The following PDZRN3 variants were observed in gnomAD, a reference collection of about 807,000 sequenced individuals.
PDZRN3 encodes PDZ domain containing ring finger 3.
In PDZRN3, 38 loss-of-function variants were observed where a neutral mutation model predicts 85.7. That is an observed-to-expected ratio of 0.44 (90% CI 0.34 to 0.58). The LOEUF is 0.58. Ranked by LOEUF, PDZRN3 falls within the 20% of genes least tolerant of loss-of-function variation. The probability of loss-of-function intolerance (pLI) is 0.01; values close to 1 mark genes in which losing one functional copy is unlikely to be tolerated. For missense variants in PDZRN3, 1,629 were observed against 1,506.4 expected (o/e 1.08, Z -1.35); for synonymous variants, 759 against 638.0 (o/e 1.19, Z -2.86).
At chr3:73,623,444 T>G (rs1325102456) in intron 1 of PDZRN3, 1 of 152,278 alleles carries the variant, frequency 6.6e-6, no homozygotes, top group Admixed American at 6.5e-5. Flanking sequence ...CCTGGCTGTG[T>G]TTTTACTCTG....
intron 3 of PDZRN3, among the ~76,000 whole-genome samples, chr3:73,485,041 C>A (rs187172963): frequency 2.6e-5 from 4 of 152,030 alleles, no homozygotes; most frequent in Non-Finnish European, 5.9e-5. Context: ...CCCAAGTAAG[C>A]GACAAAAACA....
chr3:73,430,813 C>T (rs1240503591), intron 3 of PDZRN3, among the ~76,000 whole-genome samples: 1 of 152,178 alleles, frequency 6.6e-6, no homozygotes, highest in Non-Finnish European at 1.5e-5. Flanking sequence ...ATTAATTTAT[C>T]CAAGTAGGAG....
At chr3:73,543,449 G>T (rs1319694760) in intron 3 of PDZRN3, among the ~76,000 whole-genome samples, 1 of 152,212 alleles carries the variant, frequency 6.6e-6, no homozygotes, top group Non-Finnish European at 1.5e-5. Flanking sequence ...AAGAAAAAAG[G>T]TATCTCATCC....
In PDZRN3 at chr3:73,509,345, C is replaced by T. The variant is rs183662158; in HGVS notation, c.918+93009G>A. 5.4e-4 allele frequency among the ~76,000 whole-genome samples: 82 copies of T among 152,322 alleles called. 2 individuals carry two copies. Among genetic ancestry groups the T allele is most frequent in the Non-Finnish European group, 2.4e-4 (16 of 68,022 alleles). On this transcript the variant is annotated intron_variant, in intron 3 of 9. Coordinates refer to ENST00000263666, the MANE Select transcript of PDZRN3 (RefSeq NM_015009.3). Reference sequence around the variant, plus strand: ...ACAGGAAAGGGCGGACCCAGGAGGACGCAGACCCATGCGGTCTCAGCCCTT... The same window carrying T: ...ACAGGAAAGGGCGGACCCAGGAGGATGCAGACCCATGCGGTCTCAGCCCTT...
intron 3 of PDZRN3, among the ~76,000 whole-genome samples, chr3:73,443,217 A>C (rs867032477): frequency 2.6e-5 from 4 of 151,706 alleles, no homozygotes; most frequent in East Asian, 3.9e-4. Flanking sequence ...AACACACAAA[A>C]CCCCCCCTAC....
intron 3 of PDZRN3, among the ~76,000 whole-genome samples, chr3:73,574,463 G>GTGGGGGGT (rs1553704249): frequency 1.4e-5 from 2 of 141,536 alleles, no homozygotes; most frequent in Non-Finnish European, 3.1e-5. Flanking sequence ...GGGGTGGGGG[G>GTGGGGGGT]GGTGGGGAGG....
At chr3:73,441,103 A>T (rs1360496242) in intron 3 of PDZRN3, among the ~76,000 whole-genome samples, 2 of 152,220 alleles carry the variant, frequency 1.3e-5, no homozygotes, top group Non-Finnish European at 2.9e-5. Context: ...ATAGATACTT[A>T]TATAACAACC....
chr3:73,488,717 T>A (rs768027578), intron 3 of PDZRN3, among the ~76,000 whole-genome samples: 1 of 152,242 alleles, frequency 6.6e-6, no homozygotes, highest in Non-Finnish European at 1.5e-5. Flanking sequence ...TTCGTGCACT[T>A]AGGAGAACCC....
chr3:73,496,087 T>TG (rs1405593125), intron 3 of PDZRN3, among the ~76,000 whole-genome samples: 5 of 151,762 alleles, frequency 3.3e-5, no homozygotes, highest in Admixed American at 6.5e-5. Flanking sequence ...GATATGCACT[T>TG]GAAAAAAAAA....
chr3:73,562,772 CT>C (rs1701848061), intron 3 of PDZRN3, among the ~76,000 whole-genome samples: 1 of 151,604 alleles, frequency 6.6e-6, no homozygotes, highest in South Asian at 2.1e-4. Flanking sequence ...TTTTCTTCCT[CT>C]TTTTAATTTG....
chr3:73,456,661 T>C (rs1213349574), intron 3 of PDZRN3, among the ~76,000 whole-genome samples: 1 of 152,210 alleles, frequency 6.6e-6, no homozygotes, highest in Admixed American at 6.5e-5. Flanking sequence ...AACATCGTCA[T>C]GTATAAATAG....
intron 3 of PDZRN3, among the ~76,000 whole-genome samples, chr3:73,570,842 C>T (rs1702035351): frequency 6.6e-6 from 1 of 152,176 alleles, no homozygotes; most frequent in Admixed American, 6.5e-5. Context: ...GGACTCATGC[C>T]TTCCAAGAGG....
At chr3:73,511,821 T>C (rs758726383) in intron 3 of PDZRN3, among the ~76,000 whole-genome samples, 10 of 152,338 alleles carry the variant, frequency 6.6e-5, no homozygotes, top group African/African-American at 1.4e-4. Context: ...CCTTTCAGGC[T>C]GACAGTTAAA....
chr3:73,517,497 A>G (rs1704276737), intron 3 of PDZRN3, among the ~76,000 whole-genome samples: 1 of 152,190 alleles, frequency 6.6e-6, no homozygotes, highest in Non-Finnish European at 1.5e-5. Flanking sequence ...CTCAAAGTTA[A>G]CGTCACAGCG....
At chr3:73,468,531 T>C (rs1383444835) in intron 3 of PDZRN3, among the ~76,000 whole-genome samples, 2 of 151,972 alleles carry the variant, frequency 1.3e-5, no homozygotes, top group Non-Finnish European at 2.9e-5. Flanking sequence ...GAAGATGGCA[T>C]GAGAATGCTT....
At chr3:73,611,818 T>C (rs1702689357) in intron 1 of PDZRN3, among the ~76,000 whole-genome samples, 1 of 152,246 alleles carries the variant, frequency 6.6e-6, no homozygotes, top group Non-Finnish European at 1.5e-5. Flanking sequence ...ATAGTCTTCA[T>C]ATAAAACATT....
intron 3 of PDZRN3, among the ~76,000 whole-genome samples, chr3:73,591,840 A>G (rs1038825907): frequency 6.6e-6 from 1 of 152,218 alleles, no homozygotes; most frequent in South Asian, 2.1e-4. Flanking sequence ...TAACCTCTGC[A>G]TATACTGGCT....
At chr3:73,415,429 CTTTGTT>C (rs1214607800) in intron 3 of PDZRN3, among the ~76,000 whole-genome samples, 1 of 152,022 alleles carries the variant, frequency 6.6e-6, no homozygotes, top group Non-Finnish European at 1.5e-5. Flanking sequence ...TCAGGTTGGA[CTTTGTT>C]TTTAAAAAAT....
intron 1 of PDZRN3, among the ~76,000 whole-genome samples, chr3:73,622,590 T>A (rs1015982644): frequency 6.6e-6 from 1 of 152,196 alleles, no homozygotes; most frequent in Non-Finnish European, 1.5e-5. Flanking sequence ...TTGTCACGAC[T>A]TGGGAGGGAG....
Sources: allele counts gnomAD v4.1 joint callset (sites outside exome capture counted in the v4.1 genomes callset), GRCh38; gene constraint gnomAD v4.1.1; transcripts MANE v1.5; gene names NCBI Gene and HGNC (gene_info 2026-07-23, HGNC 2026-07-21).